AKNA: variants seen among roughly 807,000 people sequenced by gnomAD.
The protein encoded by AKNA is AT-hook transcription factor.
AKNA carries 67 observed loss-of-function variants against 138.8 expected under a neutral mutation model. That is an observed-to-expected ratio of 0.48 (90% CI 0.40 to 0.59). The LOEUF (loss-of-function observed/expected upper bound fraction) is 0.59, where lower values mean the gene tolerates loss of function less well. Among genes scored for constraint, AKNA ranks in the 20% least tolerant of loss-of-function variants. The pLI is 0.00. For missense variants in AKNA, 1,813 were observed against 1,880.4 expected (o/e 0.96, Z 0.66); for synonymous variants, 737 against 754.4 (o/e 0.98, Z 0.38).
chr9:114,341,653 C>A lies in AKNA; in HGVS notation c.3947G>T (p.Gly1316Val). ...TCCGGGGGGTGGGCGTGGCGACGAC[C>A]CCGCCTGCTTGCTCCTCTGCTTGGG... ...PSPKQRSKQA[G>V]SSPRPPPGLW... is the part of the protein sequence containing the mutation. Residue 1316 changes from glycine (G) to valine (V), a missense_variant, in exon 21 of 22, where the codon GGG becomes GTG. Physicochemically the swap from Gly to Val is moderately radical, Grantham distance 109. Coordinates refer to ENST00000374088, the MANE Select transcript of AKNA (RefSeq NM_001317950.2). 6.2e-7 allele frequency: 1 copy of A among 1,609,650 alleles called. No homozygotes were observed. The highest frequency in any genetic ancestry group is 2.2e-5 in the East Asian group (1 of 44,798).
Position 114,334,346 on chromosome 9 carries a change from T to C in AKNA, c.*2708A>G, listed in dbSNP as rs367860900. 3,217 of 136,968 alleles carry C rather than the reference T, an allele frequency of 0.023. 280 individuals are homozygous for C. The highest frequency in any genetic ancestry group is 0.088 in the African/African-American group (2,337 of 26,696). The allele number at this position is 136,968 out of a possible 1,614,324, so 8.5% of individuals were successfully genotyped here. A position where few individuals can be genotyped will look rare whatever the true frequency, so the allele number is the denominator to read the frequency against. On this transcript the variant is annotated 3_prime_UTR_variant, in exon 22 of 22. Transcript: ENST00000374088. ...GCAGGAAGGCCTGAGTGAAGGCTGC[T>C]GTGGGCAACTAGGCAAGAGGCGGTT...
At chr9:114,388,053 C>CGCCT (rs1228659240), upstream of AKNA, 1 of 265,424 alleles carries the variant, frequency 3.8e-6, no homozygotes, top group African/African-American at 2.2e-5. Context: ...TGGTTGAGGC[C>CGCCT]GCCTCGCCTC....
chr9:114,362,402 G>T lies in AKNA; in HGVS notation c.1916+4C>A. The T allele has an allele frequency of 1.9e-6, 3 of 1,609,710 alleles. No homozygotes were observed. The highest frequency in any genetic ancestry group is 3.3e-5 in the Admixed American group (2 of 59,706). On this transcript the variant is annotated splice_donor_region_variant and intron_variant, in intron 8 of 21. Transcript: ENST00000374088. ...CCTTCCAGGCCTTCCACCCCAGCAG[G>T]TACCTGCGAGGATCAAATCTTCCAG...
At position 114,347,859 on chromosome 9, in the gene AKNA, C is replaced by A. The variant is rs575149664; in HGVS notation, c.3263G>T (p.Arg1088Leu). The part of the protein sequence containing the change: ...CELQEEVSRL[R>L]LRLEDSLHQP... ...GTGCAGGCTGTCTTCCAGCCGCAGA[C>A]GAAGCCGGGACACCTCTTCTTGCAG... is the stretch of plus-strand genomic sequence containing the variant. Residue 1088 changes from arginine to leucine, a missense_variant, in exon 16 of 22, where the codon CGT becomes CTT. Arg to Leu is a moderately radical substitution (Grantham distance 102). Coordinates refer to ENST00000374088, the MANE Select transcript of AKNA (RefSeq NM_001317950.2). 2.6e-6 allele frequency: 4 copies of A among 1,550,442 alleles called. No individual in the cohort carries two copies. The highest frequency in any genetic ancestry group is 3.5e-6 in the Non-Finnish European group (4 of 1,146,902).
At chr9:114,393,085 T>C (rs1834409027) in intron 1 of AKNA, among the ~76,000 whole-genome samples, 1 of 152,206 alleles carries the variant, frequency 6.6e-6, no homozygotes, top group Admixed American at 6.5e-5. Context: ...TAAAAGCCTT[T>C]CCATGGACTC....
At chr9:114,330,783 TGAC>T, downstream of AKNA, 1 of 1,613,708 alleles carries the variant, frequency 6.2e-7, no homozygotes, top group Middle Eastern at 1.7e-4. Context: ...GCCTTCTGGT[TGAC>T]TTTAGCCAGA....
upstream of AKNA, among the ~76,000 whole-genome samples, chr9:114,392,319 C>A (rs60299364): frequency 2.6e-5 from 4 of 152,320 alleles, no homozygotes; most frequent in Admixed American, 2.6e-4. Context: ...AGATTATCTT[C>A]TAATGCTAAA....
Position 114,337,012 on chromosome 9 carries a change from T to TTGGGGGGGGGGGGCGG in AKNA, c.*41_*42insCCGCCCCCCCCCCCCA. On this transcript the variant is annotated 3_prime_UTR_variant, in exon 22 of 22. Coordinates refer to ENST00000374088, the MANE Select transcript of AKNA (RefSeq NM_001317950.2). ...CCCACTCCTGGCCTGGCAGGCCACC[T>TTGGGGGGGGGGGGCGG]GCCCACCCACCCACCCATCTGCCTC... 8.3e-7 allele frequency: 1 copy of TTGGGGGGGGGGGGCGG among 1,208,224 alleles called. No individual in the cohort carries two copies. Among genetic ancestry groups the TTGGGGGGGGGGGGCGG allele is most frequent in the Non-Finnish European group, 1.1e-6 (1 of 929,350 alleles). The allele number at this position is 1,208,224 out of a possible 1,614,324, so 74.8% of individuals were successfully genotyped here. A position where few individuals can be genotyped will look rare whatever the true frequency, so the allele number is the denominator to read the frequency against.
At chr9:114,347,937 G>A in intron 15 of AKNA, 37 bp from the exon 16 acceptor site, 1 of 1,543,582 alleles carries the variant, frequency 6.5e-7, no homozygotes, top group Non-Finnish European at 8.7e-7. Flanking sequence ...AAGAACAGAG[G>A]CATGAGGAAC....
chr9:114,336,743 T>C lies in AKNA; in HGVS notation c.*311A>G. The C allele has an allele frequency of 5.5e-6, 2 of 365,990 alleles. No homozygotes were observed. The highest frequency in any genetic ancestry group is 9.7e-6 in the Non-Finnish European group (2 of 205,660). 22.7% of individuals were successfully genotyped at this position (365,990 alleles called of 1,614,324 possible). ...CATCTGTATATAAAATACCTATTAT[T>C]AGCTGGAGTTGCACACATGCAGGAC... On this transcript the variant is annotated 3_prime_UTR_variant, in exon 22 of 22. Transcript: ENST00000374088.
intron 4 of AKNA, 141 bp from the exon 5 acceptor site, chr9:114,368,736 A>T: frequency 1.4e-6 from 1 of 721,784 alleles, no homozygotes; most frequent in Non-Finnish European, 1.9e-6. Context: ...TGGCTAGGCC[A>T]AACACAGGTG....
chr9:114,370,659 G>A (rs1348817336), intron 4 of AKNA, among the ~76,000 whole-genome samples: 2 of 152,200 alleles, frequency 1.3e-5, no homozygotes, highest in Non-Finnish European at 2.9e-5. Flanking sequence ...GGGATTCTGT[G>A]AAAGGTGAAT....
At chr9:114,354,109 A>G (rs989013117) in intron 14 of AKNA, among the ~76,000 whole-genome samples, 1 of 152,228 alleles carries the variant, frequency 6.6e-6, no homozygotes, top group African/African-American at 2.4e-5. Context: ...CTTTTGTAAT[A>G]ACATTTAACT....
At chr9:114,343,844 A>G (rs763415523) in intron 18 of AKNA, 41 bp from the exon 19 acceptor site, 1 of 1,523,680 alleles carries the variant, frequency 6.6e-7, no homozygotes, top group South Asian at 1.2e-5. Flanking sequence ...AGCCCTGTGG[A>G]TGGATGCAAA....
chr9:114,357,867 A>C (rs1831613954), intron 12 of AKNA, 54 bp downstream of exon 12: 3 of 1,575,290 alleles, frequency 1.9e-6, no homozygotes, highest in Admixed American at 2.1e-5. Context: ...AAAGTTGAGA[A>C]GACCCAGGAA....
intron 12 of AKNA, 54 bp from the exon 13 acceptor site, chr9:114,357,023 G>A: frequency 2.7e-6 from 4 of 1,504,664 alleles, no homozygotes; most frequent in Non-Finnish European, 3.6e-6. Flanking sequence ...GGCACACTGG[G>A]AAGCCCTTCC....
intron 21 of AKNA, 74 bp downstream of exon 21, chr9:114,341,459 C>T: frequency 1.3e-6 from 2 of 1,582,128 alleles, no homozygotes; most frequent in Non-Finnish European, 1.7e-6. Flanking sequence ...TCAGCTGCCC[C>T]ACCCAGGTCT....
intron 14 of AKNA, among the ~76,000 whole-genome samples, chr9:114,354,164 C>T (rs1430576053): frequency 6.6e-6 from 1 of 151,906 alleles, no homozygotes; most frequent in East Asian, 1.9e-4. Context: ...TCTTGATATC[C>T]TTATAAGCTT....
Position 114,363,777 on chromosome 9 carries a change from C to T in AKNA, c.1788+783G>A, listed in dbSNP as rs138294862. On this transcript the variant is annotated intron_variant, in intron 7 of 21. Coordinates refer to ENST00000374088, the MANE Select transcript of AKNA (RefSeq NM_001317950.2). The stretch of plus-strand genomic sequence containing the variant: ...GAGACTTGAGAGTGGGCACAGCTCC[C>T]GGCTAATGCTACTACCCGGGGATTC... Among the ~76,000 whole-genome samples the T allele has an allele frequency of 1.8e-3, 271 of 152,186 alleles. 1 individual carries two copies. The highest frequency in any genetic ancestry group is 6.0e-3 in the African/African-American group (250 of 41,530).
Sources: gnomAD v4.1 joint callset for allele counts (sites outside exome capture counted in the v4.1 genomes callset) on GRCh38, gnomAD v4.1.1 for gene constraint, MANE v1.5 for transcripts, NCBI Gene and HGNC (gene_info 2026-07-23, HGNC 2026-07-21) for gene names.